The following ENTREP2 variants were observed in gnomAD, a reference collection of about 807,000 sequenced individuals.
ENTREP2 encodes protein ENTREP2.
At chr15:29,516,607 T>TG in the ENTREP2 span, among the ~76,000 whole-genome samples, 13 of 150,358 alleles carry the variant, frequency 8.6e-5, no homozygotes, top group South Asian at 2.2e-4. Flanking sequence ...AAGGAGGGGA[T>TG]GGGGGGGTGC....
the ENTREP2 span, among the ~76,000 whole-genome samples, chr15:29,158,897 T>C: frequency 2.3e-4 from 35 of 152,350 alleles, no homozygotes; most frequent in Middle Eastern, 3.4e-3. Context: ...AAAGCTACAG[T>C]TGATAAATTA....
the ENTREP2 span, among the ~76,000 whole-genome samples, chr15:29,339,457 A>G: frequency 6.6e-6 from 1 of 152,244 alleles, no homozygotes; most frequent in Non-Finnish European, 1.5e-5. Flanking sequence ...ACAGGTGTGC[A>G]GCTTCGGGAT....
At chr15:29,581,672 A>T in the ENTREP2 span, among the ~76,000 whole-genome samples, 1 of 152,254 alleles carries the variant, frequency 6.6e-6, no homozygotes, top group East Asian at 1.9e-4. Flanking sequence ...ATTTCCTGAT[A>T]GGTTTACTGC....
chr15:29,175,413 C>T, the ENTREP2 span, among the ~76,000 whole-genome samples: 2 of 152,192 alleles, frequency 1.3e-5, no homozygotes, highest in East Asian at 3.9e-4. Context: ...GGATTGAAAA[C>T]ACAGGCTCCT....
the ENTREP2 span, among the ~76,000 whole-genome samples, chr15:29,255,490 C>T: frequency 2.0e-5 from 3 of 152,090 alleles, no homozygotes; most frequent in African/African-American, 4.8e-5. Context: ...AGCAGAACGA[C>T]CATTCGACCC....
chr15:29,158,093 A>G, the ENTREP2 span, among the ~76,000 whole-genome samples: 1 of 152,212 alleles, frequency 6.6e-6, no homozygotes, highest in Non-Finnish European at 1.5e-5. Flanking sequence ...AGAAATTTCA[A>G]CTTTATTGAC....
At chr15:29,464,168 C>T in the ENTREP2 span, among the ~76,000 whole-genome samples, 2 of 151,818 alleles carry the variant, frequency 1.3e-5, no homozygotes, top group East Asian at 1.9e-4. Context: ...GCCACTGAAC[C>T]GTACTCTTAA....
At chr15:29,415,694 A>G in the ENTREP2 span, among the ~76,000 whole-genome samples, 1 of 152,212 alleles carries the variant, frequency 6.6e-6, no homozygotes, top group Non-Finnish European at 1.5e-5. Flanking sequence ...CAATTAGGAA[A>G]AGAGGAAGTC....
the ENTREP2 span, chr15:29,126,408 C>T: frequency 4.3e-5 from 66 of 1,548,688 alleles, no homozygotes; most frequent in Admixed American, 5.9e-5. Flanking sequence ...GGTGCTGGGG[C>T]GCCCACAGGG....
chr15:29,583,661 T>G, the ENTREP2 span, among the ~76,000 whole-genome samples: 1 of 152,152 alleles, frequency 6.6e-6, no homozygotes, highest in Non-Finnish European at 1.5e-5. Flanking sequence ...AATAATAATT[T>G]TTTTAAAAAG....
chr15:29,128,114 T>G, the ENTREP2 span, among the ~76,000 whole-genome samples: 2 of 152,176 alleles, frequency 1.3e-5, no homozygotes, highest in African/African-American at 2.4e-5. Context: ...TGGGATCACA[T>G]GAGTTATCTA....
the ENTREP2 span, among the ~76,000 whole-genome samples, chr15:29,649,590 G>A: frequency 6.6e-6 from 1 of 151,818 alleles, no homozygotes; most frequent in Non-Finnish European, 1.5e-5. Context: ...GCGTGGTGAT[G>A]TGTGCCTGTA....
At chr15:29,492,873 G>A in the ENTREP2 span, among the ~76,000 whole-genome samples, 4,882 of 151,394 alleles carry the variant, frequency 0.032, 257 homozygotes, top group African/African-American at 0.11. Context: ...GCGTGGTGGC[G>A]GGCACCTGTA....
At chr15:29,632,447 C>T in the ENTREP2 span, among the ~76,000 whole-genome samples, 2 of 151,980 alleles carry the variant, frequency 1.3e-5, no homozygotes, top group African/African-American at 4.8e-5. Flanking sequence ...TTTTCAAATA[C>T]AGAAATGTCT....
the ENTREP2 span, among the ~76,000 whole-genome samples, chr15:29,349,191 C>T: frequency 6.6e-6 from 1 of 152,166 alleles, no homozygotes; most frequent in Non-Finnish European, 1.5e-5. Flanking sequence ...CATGTGGGCT[C>T]CTTCCTGCAT....
the ENTREP2 span, among the ~76,000 whole-genome samples, chr15:29,193,081 C>G: frequency 6.6e-6 from 1 of 152,190 alleles, no homozygotes; most frequent in African/African-American, 2.4e-5. Flanking sequence ...ATCTATTCAA[C>G]ACTCTACGGG....
At chr15:29,196,302 T>C in the ENTREP2 span, 1 of 924,636 alleles carries the variant, frequency 1.1e-6, no homozygotes. Context: ...GGAAAGATAT[T>C]CCCTCTTGCA....
chr15:29,561,070 A>G, the ENTREP2 span, among the ~76,000 whole-genome samples: 7 of 7,442 alleles, frequency 9.4e-4, no homozygotes, highest in Admixed American at 7.5e-3. Flanking sequence ...ACCTGTTACA[A>G]TGGCTATTCT....
chr15:29,269,253 A>G, the ENTREP2 span: 1 of 1,614,056 alleles, frequency 6.2e-7, no homozygotes, highest in African/African-American at 1.3e-5. Context: ...TGAGGATGTA[A>G]GTGTTGCTCT....
Sources: gnomAD v4.1 joint callset for allele counts (sites outside exome capture counted in the v4.1 genomes callset) on GRCh38, gnomAD v4.1.1 for gene constraint, MANE v1.5 for transcripts, NCBI Gene and HGNC (gene_info 2026-07-23, HGNC 2026-07-21) for gene names.